NRIP1: variants seen among roughly 807,000 people sequenced by gnomAD.
NRIP1 encodes the protein nuclear receptor-interacting protein 1.
NRIP1 carries 28 observed loss-of-function variants against 75.0 expected under a neutral mutation model. The observed-to-expected ratio is 0.37, with a 90% CI of 0.28 to 0.51. The LOEUF is 0.51. NRIP1 is among the 20% of genes least tolerant of loss of function. NRIP1 has a pLI of 0.92. For synonymous variants in NRIP1, 526 were observed against 487.6 expected, an observed-to-expected ratio of 1.08 and a Z score of -1.04; for missense variants, 1,435 against 1,343.7, an observed-to-expected ratio of 1.07 and a Z score of -1.06.
Position 14,964,834 on chromosome 21 carries a change from T to A in NRIP1, c.3359A>T (p.Asn1120Ile). 1 of 1,613,540 alleles carries A rather than the reference T, an allele frequency of 6.2e-7. No individual in the cohort carries two copies. The highest frequency in any genetic ancestry group is 8.5e-7 in the Non-Finnish European group (1 of 1,179,758). The stretch of plus-strand genomic sequence containing the variant: ...ATGGCTATTGTAAGGGCTTCTTAAA[T>A]TAAAGAAAGAAGCTTTCGTTTCTGC... ...PTAETKASFFNLRSPYNSHMG... is the reference protein window; with the variant it reads ...PTAETKASFFILRSPYNSHMG... The change falls in exon 4 of 4, where the codon AAT becomes ATT. Residue 1120 changes from asparagine (N) to isoleucine (I), a missense_variant. By Grantham distance (149) the Asn-to-Ile change is moderately radical (BLOSUM62 -3). Transcript: ENST00000318948.
At chr21:15,011,393 G>A (rs927058717) in intron 3 of NRIP1, among the ~76,000 whole-genome samples, 10 of 152,270 alleles carry the variant, frequency 6.6e-5, no homozygotes, top group African/African-American at 2.4e-4. Flanking sequence ...GTTTCACCGT[G>A]TCAGCCAGGA....
At chr21:14,988,221 C>T (rs938042796) in intron 3 of NRIP1, 2 of 152,044 alleles carry the variant, frequency 1.3e-5, no homozygotes, top group Non-Finnish European at 2.9e-5. Flanking sequence ...TAGTATTTAC[C>T]TTATAAAACT....
Position 14,966,828 on chromosome 21 carries a change from G to C in NRIP1, c.1365C>G (p.Asp455Glu). ...CKHRTEKSES[D>E]QPVSLDNFTQ... Reference sequence around the variant, plus strand: ...TGAAGTTATCCAGGGAAACAGGTTGGTCAGATTCTGATTTTTCAGTTCGGT... The same window carrying C: ...TGAAGTTATCCAGGGAAACAGGTTGCTCAGATTCTGATTTTTCAGTTCGGT... Residue 455 changes from aspartate to glutamate, a missense_variant, in exon 4 of 4, where the codon GAC becomes GAG. Transcript: ENST00000318948. 2 of 1,614,072 alleles carry C rather than the reference G, an allele frequency of 1.2e-6. No homozygotes were observed. The highest frequency in any genetic ancestry group is 1.7e-6 in the Non-Finnish European group (2 of 1,179,988).
At chr21:14,972,860 T>C (rs897025384) in intron 3 of NRIP1, among the ~76,000 whole-genome samples, 1 of 152,216 alleles carries the variant, frequency 6.6e-6, no homozygotes, top group African/African-American at 2.4e-5. Flanking sequence ...GAGAATCTAA[T>C]GCTGCCACCG....
chr21:15,041,472 A>G (rs984285697), intron 2 of NRIP1, among the ~76,000 whole-genome samples: 5 of 152,162 alleles, frequency 3.3e-5, no homozygotes, highest in South Asian at 2.1e-4. Context: ...ACACTTCAGG[A>G]GGTTTTGTAT....
intron 2 of NRIP1, among the ~76,000 whole-genome samples, chr21:15,021,101 T>C (rs912531178): frequency 5.9e-5 from 9 of 152,094 alleles, no homozygotes; most frequent in African/African-American, 2.2e-4. Context: ...CCACAAAAAA[T>C]CTGTCTACAA....
intron 3 of NRIP1, among the ~76,000 whole-genome samples, chr21:15,001,822 A>G (rs1441544348): frequency 6.6e-6 from 1 of 152,172 alleles, no homozygotes; most frequent in Non-Finnish European, 1.5e-5. Context: ...TATGTCCATA[A>G]CCACCTCCAT....
intron 3 of NRIP1, among the ~76,000 whole-genome samples, chr21:14,984,614 T>C (rs185901871): frequency 7.2e-5 from 11 of 152,330 alleles, no homozygotes; most frequent in Admixed American, 2.0e-4. Context: ...GTAGGAGGTT[T>C]GAGAGGATTG....
intron 2 of NRIP1, among the ~76,000 whole-genome samples, chr21:15,034,358 A>G (rs1269125498): frequency 6.6e-6 from 1 of 152,206 alleles, no homozygotes; most frequent in East Asian, 1.9e-4. Context: ...TTCCAAACTC[A>G]TGCTTTATAC....
At chr21:15,056,610 C>G (rs1267493023) in intron 1 of NRIP1, among the ~76,000 whole-genome samples, 4 of 152,066 alleles carry the variant, frequency 2.6e-5, no homozygotes, top group African/African-American at 9.7e-5. Context: ...GACAATTTCT[C>G]TTTTTTCTTA....
At chr21:15,020,068 C>G (rs774408466) in intron 2 of NRIP1, among the ~76,000 whole-genome samples, 11 of 151,900 alleles carry the variant, frequency 7.2e-5, no homozygotes, top group Non-Finnish European at 1.5e-4. Flanking sequence ...CTACACTGAT[C>G]TACCTAAATG....
At chr21:15,014,161 AAAGG>A (rs1256030747) in intron 3 of NRIP1, among the ~76,000 whole-genome samples, 179 bp downstream of exon 3, 1 of 152,216 alleles carries the variant, frequency 6.6e-6, no homozygotes, top group Non-Finnish European at 1.5e-5. Context: ...TAAGTTCCTT[AAAGG>A]AAGGATTGTA....
intron 2 of NRIP1, among the ~76,000 whole-genome samples, chr21:15,024,580 G>C (rs750351130): frequency 1.3e-5 from 2 of 151,356 alleles, no homozygotes; most frequent in Non-Finnish European, 2.9e-5. Flanking sequence ...GTGTGTGTGT[G>C]TGTGTGTGTG....
Position 14,965,704 on chromosome 21 carries a change from T to A in NRIP1, c.2489A>T (p.Tyr830Phe). 1 of 1,613,828 alleles carries A rather than the reference T, an allele frequency of 6.2e-7. No homozygotes were observed. The highest frequency in any genetic ancestry group is 8.5e-7 in the Non-Finnish European group (1 of 1,179,980). The change falls in exon 4 of 4, where the codon TAC becomes TTC. Residue 830 changes from tyrosine (Y) to phenylalanine (F), a missense_variant. Coordinates refer to ENST00000318948, the MANE Select transcript of NRIP1 (RefSeq NM_003489.4). ...SRLLRQNQDSYLADDSDRSHR... is the reference protein window; with the variant it reads ...SRLLRQNQDSFLADDSDRSHR... ...ACTCCTGTCTGAATCATCTGCCAGGTAACTATCTTGATTTTGTCTTAGCAA... is the reference window on the plus strand; with the variant it reads ...ACTCCTGTCTGAATCATCTGCCAGGAAACTATCTTGATTTTGTCTTAGCAA...
intron 3 of NRIP1, among the ~76,000 whole-genome samples, chr21:14,970,906 G>A (rs965615160): frequency 3.3e-5 from 5 of 152,196 alleles, no homozygotes; most frequent in African/African-American, 4.8e-5. Context: ...TTACAAAGCA[G>A]ATTTGGAAGT....
At chr21:15,012,706 C>T (rs1011127338) in intron 3 of NRIP1, among the ~76,000 whole-genome samples, 18 of 152,122 alleles carry the variant, frequency 1.2e-4, no homozygotes, top group African/African-American at 4.1e-4. Flanking sequence ...CCACCTTGGC[C>T]TCCCAAAGTG....
chr21:15,050,909 T>C (rs1263779236), intron 1 of NRIP1: 1 of 455,950 alleles, frequency 2.2e-6, no homozygotes, highest in African/African-American at 2.0e-5. Flanking sequence ...GGGATCACTC[T>C]TACAGTTTAG....
rs1473449139 is a variant in NRIP1, at chr21:15,014,378, A to T, written c.-369T>A. The T allele has an allele frequency of 5.0e-6, 2 of 398,206 alleles. No homozygotes were observed. Among genetic ancestry groups the T allele is most frequent in the African/African-American group, 4.1e-5 (2 of 48,624 alleles). 24.7% of individuals were successfully genotyped at this position (398,206 alleles called of 1,614,324 possible). A position where few individuals can be genotyped will look rare whatever the true frequency, so the allele number is the denominator to read the frequency against. On this transcript the variant is annotated 5_prime_UTR_variant, in exon 3 of 4. Transcript: ENST00000318948. ...CCAAGCTCTGAGCCTCTGCTTTCTG[A>T]GAAAGAAAATTGAGAAGGCTGTTGA...
At chr21:14,977,853 T>C (rs891594918) in intron 3 of NRIP1, among the ~76,000 whole-genome samples, 4 of 152,226 alleles carry the variant, frequency 2.6e-5, no homozygotes, top group Non-Finnish European at 5.9e-5. Context: ...ATTATCTAAA[T>C]ACATTTTGCT....
Sources: allele counts gnomAD v4.1 joint callset (sites outside exome capture counted in the v4.1 genomes callset), GRCh38; gene constraint gnomAD v4.1.1; transcripts MANE v1.5; gene names NCBI Gene and HGNC (gene_info 2026-07-23, HGNC 2026-07-21).